Variants in TTC16 observed in about 807,000 individuals in gnomAD.
The protein encoded by TTC16 is tetratricopeptide repeat protein 16.
TTC16 carries 66 observed loss-of-function variants against 80.4 expected under a neutral mutation model. The ratio of observed to expected loss-of-function variants is 0.82; its 90% CI spans 0.67 to 1.01. The LOEUF (loss-of-function observed/expected upper bound fraction) is 1.01, where lower values mean the gene tolerates loss of function less well. Ranked by LOEUF, TTC16 falls within the 50% of genes least tolerant of loss-of-function variation. The pLI is 0.00. For missense variants in TTC16, 1,070 were observed against 1,103.2 expected (o/e 0.97, Z 0.43); for synonymous variants, 438 against 451.3 (o/e 0.97, Z 0.37).
At chr9:127,717,858 C>A in intron 4 of TTC16, 86 bp downstream of exon 4, 1 of 1,486,064 alleles carries the variant, frequency 6.7e-7, no homozygotes, top group Non-Finnish European at 9.0e-7. Context: ...GCTCTGTCTC[C>A]TTAGATTCCT....
chr9:127,730,471 TC>T (rs1183178346), intron 13 of TTC16, 164 bp from the exon 14 acceptor site: 13 of 999,966 alleles, frequency 1.3e-5, no homozygotes, highest in Non-Finnish European at 1.7e-5. Flanking sequence ...CCCCTCAGGG[TC>T]TGGGTCGCTG....
rs996248417 is a variant in TTC16, at chr9:127,727,470, G to C, written c.1764+5G>C. The C allele has an allele frequency of 7.1e-6, 11 of 1,559,116 alleles. No homozygotes were observed. The South Asian group carries it at 7.1e-5, about 10-fold the overall frequency. On this transcript the variant is annotated splice_donor_5th_base_variant and intron_variant, in intron 12 of 13. Transcript: ENST00000373289. Reference sequence around the variant, plus strand: ...AAGGAGAAGGAGAAAAAAGAGGTAAGTGGAGTACAGGCCAGGGCTCGGAGC... The same window carrying C: ...AAGGAGAAGGAGAAAAAAGAGGTAACTGGAGTACAGGCCAGGGCTCGGAGC...
Position 127,731,537 on chromosome 9 carries a change from C to A in TTC16, c.*132C>A. 2 of 1,452,384 alleles carry A rather than the reference C, an allele frequency of 1.4e-6. No individual in the cohort carries two copies. Among genetic ancestry groups the A allele is most frequent in the South Asian group, 2.9e-5 (2 of 68,348 alleles). 90.0% of individuals were successfully genotyped at this position (1,452,384 alleles called of 1,614,324 possible). A position where few individuals can be genotyped will look rare whatever the true frequency, so the allele number is the denominator to read the frequency against. On this transcript the variant is annotated 3_prime_UTR_variant, in exon 14 of 14. Coordinates refer to ENST00000373289, the MANE Select transcript of TTC16 (RefSeq NM_144965.3). ...TAGCAACAGTCCTCTGGTCCCACAGCTGAGTTTATTATACTTGTTTTCTTT... is the reference window on the plus strand; with the variant it reads ...TAGCAACAGTCCTCTGGTCCCACAGATGAGTTTATTATACTTGTTTTCTTT...
At position 127,717,639 on chromosome 9, in the gene TTC16, A is replaced by G. The variant is rs145278896; in HGVS notation, c.293A>G (p.Tyr98Cys). The G allele has an allele frequency of 7.4e-6, 12 of 1,613,778 alleles. No homozygotes were observed. The highest frequency in any genetic ancestry group is 3.3e-5 in the South Asian group (3 of 91,082). The part of the protein sequence containing the change: ...LHLDPQLVDF[Y>C]ALRAEAYLQL... Reference sequence around the variant, plus strand: ...TCCCCTCACCCTCAGGTGGACTTCTATGCCTTACGGGCTGAGGCCTACCTC... The same window carrying G: ...TCCCCTCACCCTCAGGTGGACTTCTGTGCCTTACGGGCTGAGGCCTACCTC... The change falls in exon 4 of 14, where the codon TAT becomes TGT. Residue 98 changes from tyrosine to cysteine, a missense_variant. Tyr to Cys is a radical substitution (Grantham distance 194, BLOSUM62 -2). Coordinates refer to ENST00000373289, the MANE Select transcript of TTC16 (RefSeq NM_144965.3).
rs751076121 is a variant in TTC16, at chr9:127,730,798, T to C, written c.2015T>C (p.Ile672Thr). The change falls in exon 14 of 14, where the codon ATC (isoleucine) becomes ACC (threonine). Residue 672 changes from isoleucine to threonine, a missense_variant. Coordinates refer to ENST00000373289, the MANE Select transcript of TTC16 (RefSeq NM_144965.3). ...REALSHGPRKIKATQGQRQSL... is the reference protein window; with the variant it reads ...REALSHGPRKTKATQGQRQSL... ...GCACTAAGCCATGGTCCCAGAAAAATCAAGGCCACCCAGGGCCAGAGGCAG... is the reference window on the plus strand; with the variant it reads ...GCACTAAGCCATGGTCCCAGAAAAACCAAGGCCACCCAGGGCCAGAGGCAG... 8 of 1,613,532 alleles carry C rather than the reference T, an allele frequency of 5.0e-6. No individual in the cohort carries two copies. In the East Asian group the frequency reaches 1.6e-4, roughly 31 times the overall value.
chr9:127,726,318 G>A lies in TTC16; in HGVS notation c.1339G>A (p.Ala447Thr). Residue 447 changes from alanine (A) to threonine (T), a missense_variant, in exon 10 of 14, where the codon GCC becomes ACC. Transcript: ENST00000373289. Reference protein sequence around the residue: ...PQKAQYYLYRAKSRQLLQNIF... With the variant: ...PQKAQYYLYRTKSRQLLQNIF... ...GAAGGCCCAGTACTACCTGTACCGG[G>A]CCAAGAGCCGGCAGCTGCTGCAGAA... is the stretch of plus-strand genomic sequence containing the variant. 2 of 1,612,246 alleles carry A rather than the reference G, an allele frequency of 1.2e-6. No homozygotes were observed. The highest frequency in any genetic ancestry group is 1.7e-5 in the Admixed American group (1 of 59,924).
rs888830420 is a variant in TTC16 at position 127,718,979 on chromosome 9, G to A, written c.427-1099G>A. On this transcript the variant is annotated intron_variant, in intron 4 of 13. Transcript: ENST00000373289. This position sits in a 1 kb window ranked among gnomAD's most constrained non-coding sequence, Gnocchi z 4.6. ...TGTAATCCCAGCACTTTGGGAGGCC[G>A]AGTTGGGCGGATCATGAGGTCAGGA... Among the ~76,000 whole-genome samples, 5 of 151,900 alleles carry A rather than the reference G, an allele frequency of 3.3e-5. No individual in the cohort carries two copies. Among genetic ancestry groups the A allele is most frequent in the South Asian group, 2.1e-4 (1 of 4,800 alleles).
At chr9:127,716,796 G>C (rs879173693) in intron 1 of TTC16, 48 bp from the exon 2 acceptor site, 2 of 1,571,788 alleles carry the variant, frequency 1.3e-6, no homozygotes. Flanking sequence ...GTCAGTGGGT[G>C]GGGGTCGTCT....
intron 6 of TTC16, among the ~76,000 whole-genome samples, chr9:127,720,814 CTTTCTTCCCTCCTG>C: frequency 7.7e-6 from 1 of 129,132 alleles, no homozygotes; most frequent in African/African-American, 3.1e-5. Context: ...CTCCCTCCTT[CTTTCTTCCCTCCTG>C]CCTTCCCTCC....
At position 127,731,107 on chromosome 9, in the gene TTC16, T is replaced by C; in HGVS notation, c.2324T>C (p.Val775Ala). Residue 775 changes from valine to alanine, a missense_variant, in exon 14 of 14, where the codon GTC becomes GCC. Coordinates refer to ENST00000373289, the MANE Select transcript of TTC16 (RefSeq NM_144965.3). ...AGCCCAAGGCAGAGGCCCAGAAAGG[T>C]CAAGGCTGCTCGTGGCCGGAGCTGG... The part of the protein sequence containing the change: ...TRSPRQRPRK[V>A]KAARGRSWRP... 6.2e-7 allele frequency: 1 copy of C among 1,610,404 alleles called. No homozygotes were observed. The highest frequency in any genetic ancestry group is 1.1e-5 in the South Asian group (1 of 90,898).
chr9:127,717,714 C>T lies in TTC16; in HGVS notation c.368C>T (p.Ser123Leu), dbSNP rs1843161749. 6.2e-7 allele frequency: 1 copy of T among 1,613,998 alleles called. No homozygotes were observed. Among genetic ancestry groups the T allele is most frequent in the East Asian group, 2.2e-5 (1 of 44,880 alleles). ...SAAQNLRRAY[S>L]LQQDNCKHLE... ...GCCCAGAACCTGCGAAGGGCCTACT[C>T]ATTACAGCAGGACAACTGCAAGCAC... Residue 123 changes from serine to leucine, a missense_variant, in exon 4 of 14, where the codon TCA becomes TTA. By Grantham distance (145) the Ser-to-Leu change is moderately radical. Transcript: ENST00000373289.
In TTC16 at chr9:127,720,343, C is replaced by G. The variant is rs769751649; in HGVS notation, c.605C>G (p.Thr202Ser). The change falls in exon 6 of 14, where the codon ACC becomes AGC. Residue 202 changes from threonine (T) to serine (S), a missense_variant. Transcript: ENST00000373289. ...ACCAACGAGCTGAAGCAGGACACCACCAACGCCGATGTCTACATCTTCCGG... is the reference window on the plus strand; with the variant it reads ...ACCAACGAGCTGAAGCAGGACACCAGCAACGCCGATGTCTACATCTTCCGG... Reference protein sequence around the residue: ...LITNELKQDTTNADVYIFRAR... With the variant: ...LITNELKQDTSNADVYIFRAR... The G allele has an allele frequency of 1.4e-5, 23 of 1,613,458 alleles. No homozygotes were observed. In the South Asian group the frequency reaches 2.4e-4, roughly 17 times the overall value.
At chr9:127,719,768 G>T (rs1221477618) in intron 4 of TTC16, among the ~76,000 whole-genome samples, 2 of 152,220 alleles carry the variant, frequency 1.3e-5, no homozygotes, top group African/African-American at 2.4e-5. Flanking sequence ...GCTGGAATGG[G>T]ATAACAGGTG....
intron 7 of TTC16, 56 bp from the exon 8 acceptor site, chr9:127,724,064 T>G (rs906807566): frequency 1.6e-5 from 23 of 1,479,842 alleles, no homozygotes; most frequent in South Asian, 4.1e-5. Context: ...AGCCAGTCGG[T>G]GGGGGTGCAC....
intron 10 of TTC16, among the ~76,000 whole-genome samples, 183 bp from the exon 11 acceptor site, chr9:127,726,787 C>CAAAAAAAAAAAAAAAAAAAA (rs55676226): frequency 7.8e-6 from 1 of 127,734 alleles, no homozygotes; most frequent in Non-Finnish European, 1.8e-5. Flanking sequence ...GACTCTGTCT[C>CAAAAAAAAAAAAAAAAAAAA]AAAAAAAAAA....
rs1025744695 is a variant in TTC16 at position 127,724,741 on chromosome 9, G to C, written c.1118-15G>C. ...GGGAGTTGGGGGTCCACTCACCCCC[G>C]CCTCCGGACCCTAGATTGCTTCTTC... On this transcript the variant is annotated splice_polypyrimidine_tract_variant and intron_variant, in intron 8 of 13. Transcript: ENST00000373289. 1.2e-6 allele frequency: 2 copies of C among 1,604,956 alleles called. No individual in the cohort carries two copies. The highest frequency in any genetic ancestry group is 1.7e-6 in the Non-Finnish European group (2 of 1,177,938).
chr9:127,717,896 G>C (rs1437394483), intron 4 of TTC16, 124 bp downstream of exon 4: 5 of 1,259,760 alleles, frequency 4.0e-6, no homozygotes, highest in Non-Finnish European at 5.4e-6. Flanking sequence ...GGTCCCCCCC[G>C]CTGCCCCTCT....
At chr9:127,730,497 G>T in intron 13 of TTC16, 139 bp from the exon 14 acceptor site, 7 of 1,311,112 alleles carry the variant, frequency 5.3e-6, no homozygotes, top group Non-Finnish European at 7.1e-6. Flanking sequence ...CTGGGCGGGG[G>T]TGATCTGCAG....
intron 7 of TTC16, 123 bp downstream of exon 7, chr9:127,723,456 C>G (rs1304534284): frequency 1.1e-6 from 1 of 911,182 alleles, no homozygotes; most frequent in African/African-American, 1.7e-5. Context: ...CTCTAACAGT[C>G]TTTCCCTACT....
Sources: gnomAD v4.1 joint callset for allele counts (sites outside exome capture counted in the v4.1 genomes callset) on GRCh38, gnomAD v4.1.1 for gene constraint, Gnocchi (gnomAD v3.1) non-coding constraint, MANE v1.5 for transcripts, NCBI Gene and HGNC (gene_info 2026-07-23, HGNC 2026-07-21) for gene names.